WNK3: variants seen among roughly 807,000 people sequenced by gnomAD.
The protein encoded by WNK3 is WNK lysine deficient protein kinase 3, also known as serine/threonine-protein kinase WNK3.
Under a neutral mutation model 116.7 loss-of-function variants are expected in WNK3, and 18 were observed. The observed-to-expected ratio is 0.15, with a 90% confidence interval of 0.11 to 0.23. The LOEUF is 0.23. Among genes scored for constraint, WNK3 ranks in the 10% least tolerant of loss-of-function variants. The probability of loss-of-function intolerance (pLI) is 1.00; values close to 1 mark genes in which losing one functional copy is unlikely to be tolerated. For synonymous variants in WNK3, 404 were observed against 469.4 expected (o/e 0.86, Z 1.80); for missense variants, 993 against 1,323.8 (o/e 0.75, Z 3.88).
intron 22 of WNK3, among the ~76,000 whole-genome samples, chrX:54,220,281 TA>T (rs1394999090): frequency 9.0e-6 from 1 of 111,587 alleles, no homozygotes; most frequent in African/African-American, 3.3e-5. Flanking sequence ...ATTTTTAGAA[TA>T]AGACCTTTCC....
chrX:54,315,791 C>G (rs181871620), intron 2 of WNK3, among the ~76,000 whole-genome samples: 106 of 111,633 alleles, frequency 9.5e-4, no homozygotes, highest in Non-Finnish European at 1.8e-3. Context: ...CTTCTGAGTC[C>G]TTGATTTACT....
At chrX:54,251,483 T>C in intron 14 of WNK3, 33 bp from the exon 15 acceptor site, 7 of 1,197,812 alleles carry the variant, frequency 5.8e-6, no homozygotes, top group Non-Finnish European at 6.8e-6. Context: ...AATTAAAAAG[T>C]TCCTGATTCA....
At chrX:54,225,413 G>T (rs2067823791) in intron 22 of WNK3, among the ~76,000 whole-genome samples, 1 of 109,612 alleles carries the variant, frequency 9.1e-6, no homozygotes, top group African/African-American at 3.3e-5. Flanking sequence ...ATGAGGTCAG[G>T]AGTTCAAGAC....
At chrX:54,228,822 C>T (rs1275720664) in intron 21 of WNK3, 79 bp from the exon 22 acceptor site, 4 of 424,028 alleles carry the variant, frequency 9.4e-6, no homozygotes, top group Non-Finnish European at 1.7e-5. Context: ...AACCAACATA[C>T]TTATTGAACT....
intron 5 of WNK3, among the ~76,000 whole-genome samples, chrX:54,305,129 T>C (rs1478373972): frequency 9.0e-6 from 1 of 110,609 alleles, no homozygotes; most frequent in African/African-American, 3.3e-5. Flanking sequence ...CCAGCCTGGG[T>C]GACAGAGTGA....
intron 1 of WNK3, among the ~76,000 whole-genome samples, chrX:54,336,570 T>C (rs1322600654): frequency 1.8e-5 from 2 of 110,098 alleles, no homozygotes. Flanking sequence ...CAGTATGGAG[T>C]AAGTGTATGA....
At position 54,333,205 on chromosome X, in the gene WNK3, C is replaced by A; in HGVS notation, c.469G>T (p.Ala157Ser). Residue 157 changes from alanine to serine, a missense_variant, in exon 2 of 24, where the codon GCA (alanine) becomes TCA (serine). This residue lies in a region of WNK3 where 28 missense variants were observed against 161.7 expected (regional missense o/e 0.17). Transcript: ENST00000354646. The stretch of plus-strand genomic sequence containing the variant: ...AGTCCTTTATATACTGTTTTAAATG[C>A]TCCTCTTCCTAGTTCTATGTCAAAT... 8.3e-7 allele frequency: 1 copy of A among 1,209,630 alleles called. No homozygotes were observed.
At chrX:54,307,678 C>T (rs1185478530) in intron 5 of WNK3, among the ~76,000 whole-genome samples, 1 of 111,334 alleles carries the variant, frequency 9.0e-6, no homozygotes, top group East Asian at 2.8e-4. Flanking sequence ...AAATTCCTTA[C>T]AAACAAATAT....
At chrX:54,305,877 A>C (rs1438503492) in intron 5 of WNK3, among the ~76,000 whole-genome samples, 2 of 110,397 alleles carry the variant, frequency 1.8e-5, no homozygotes, top group East Asian at 5.7e-4. Context: ...AACATGGTGA[A>C]ACACCATCTC....
chrX:54,257,144 G>A (rs1463293986), intron 11 of WNK3, among the ~76,000 whole-genome samples: 1 of 111,492 alleles, frequency 9.0e-6, no homozygotes, highest in African/African-American at 3.3e-5. Context: ...AGGCAGTACA[G>A]GCAGTGTCTC....
intron 22 of WNK3, among the ~76,000 whole-genome samples, chrX:54,224,726 CACTG>C (rs2067813253): frequency 9.1e-6 from 1 of 109,768 alleles, no homozygotes; most frequent in Admixed American, 9.8e-5. Context: ...CCCGCCACCA[CACTG>C]GGCTAATTTT....
chrX:54,216,620 G>A (rs914316386), intron 22 of WNK3, among the ~76,000 whole-genome samples: 3 of 111,556 alleles, frequency 2.7e-5, no homozygotes, highest in African/African-American at 6.5e-5. Context: ...GCATGCCCAC[G>A]AAAGACCTAA....
rs59905794 is a variant in WNK3 at position 54,212,098 on chromosome X, T to C, written c.4871-9905A>G. ...AAAATTAGCCGAGCATGGTGGTGGG[T>C]GCCTGTAGTCCCAGCTACTCGGGAG... On this transcript the variant is annotated intron_variant, in intron 22 of 23. Coordinates refer to ENST00000354646, the Ensembl canonical transcript of WNK3. Among the ~76,000 whole-genome samples the C allele has an allele frequency of 4.7e-3, 519 of 110,067 alleles. 2 individuals carry two copies. Among genetic ancestry groups the C allele is most frequent in the African/African-American group, 0.016 (489 of 30,234 alleles).
intron 22 of WNK3, among the ~76,000 whole-genome samples, chrX:54,206,422 T>C (rs782742966): frequency 9.0e-6 from 1 of 111,305 alleles, no homozygotes; most frequent in East Asian, 2.8e-4. Context: ...ATAATTCAAG[T>C]CAATATACCT....
exon 17 of WNK3, chrX:54,248,921 A>C (rs781824909): frequency 5.8e-6 from 7 of 1,210,933 alleles, no homozygotes; most frequent in Non-Finnish European, 6.7e-6. Flanking sequence ...GAAAATGGAG[A>C]GTCTATGCTT....
chrX:54,253,916 A>C, intron 13 of WNK3, 43 bp downstream of exon 13: 1 of 886,766 alleles, frequency 1.1e-6, no homozygotes, highest in Non-Finnish European at 1.6e-6. Flanking sequence ...GGGAAAAAAG[A>C]CAGAATGCTG....
intron 11 of WNK3, among the ~76,000 whole-genome samples, 177 bp downstream of exon 11, chrX:54,259,097 G>A (rs1557156144): frequency 1.1e-5 from 1 of 94,064 alleles, no homozygotes; most frequent in African/African-American, 4.1e-5. Flanking sequence ...CAATCCATAT[G>A]ATCCCTACTG....
At chrX:54,257,104 G>A (rs1557155661) in intron 11 of WNK3, among the ~76,000 whole-genome samples, 1 of 111,568 alleles carries the variant, frequency 9.0e-6, no homozygotes, top group African/African-American at 3.3e-5. Context: ...TAGCAGCTTG[G>A]TATCTTCCAA....
At chrX:54,229,199 G>A (rs146369574) in intron 21 of WNK3, among the ~76,000 whole-genome samples, 4 of 110,259 alleles carry the variant, frequency 3.6e-5, no homozygotes, top group Admixed American at 9.8e-5. Context: ...TAAATAAATC[G>A]AAACACATAT....
Sources: allele counts gnomAD v4.1 joint callset (sites outside exome capture counted in the v4.1 genomes callset), GRCh38; gene constraint gnomAD v4.1.1; regional missense constraint gnomAD v4.1.1; transcripts MANE v1.5; gene names NCBI Gene and HGNC (gene_info 2026-07-23, HGNC 2026-07-21).